RGS5: variants seen among roughly 807,000 people sequenced by gnomAD.
RGS5 encodes the protein regulator of G-protein signalling 5.
In RGS5, 20 loss-of-function variants were observed where a neutral mutation model predicts 18.9. The ratio of observed to expected loss-of-function variants is 1.06; its 90% CI spans 0.74 to 1.54. The LOEUF is 1.54. Among genes scored for constraint, RGS5 ranks in the 40% most tolerant of loss-of-function variants. RGS5 has a pLI of 0.00. For synonymous variants in RGS5, 57 were observed against 76.2 expected (o/e 0.75, Z 1.31); for missense variants, 201 against 211.8 (o/e 0.95, Z 0.32).
intron 2 of RGS5, among the ~76,000 whole-genome samples, chr1:163,256,217 G>A (rs1005054686): frequency 1.3e-4 from 20 of 151,930 alleles, no homozygotes; most frequent in South Asian, 4.2e-4. Context: ...AAACCCCATC[G>A]TCTCAGCCCA....
chr1:163,245,386 T>G (rs1248156611), intron 2 of RGS5, among the ~76,000 whole-genome samples: 1 of 152,246 alleles, frequency 6.6e-6, no homozygotes, highest in Non-Finnish European at 1.5e-5. Context: ...CATTTTCTTT[T>G]GAAGTTTCAC....
chr1:163,321,002 A>G (rs1373396819), intron 1 of RGS5, among the ~76,000 whole-genome samples: 1 of 152,180 alleles, frequency 6.6e-6, no homozygotes, highest in Non-Finnish European at 1.5e-5. Flanking sequence ...CCCAAACCTC[A>G]ATAAAACTTA....
At chr1:163,242,942 C>T (rs962625246) in intron 2 of RGS5, among the ~76,000 whole-genome samples, 11 of 152,106 alleles carry the variant, frequency 7.2e-5, no homozygotes, top group Non-Finnish European at 5.9e-5. Flanking sequence ...TGCAACTCAC[C>T]GTGAGTGGTA....
intron 1 of RGS5, among the ~76,000 whole-genome samples, chr1:163,199,859 T>G (rs1659708370): frequency 6.6e-6 from 1 of 152,050 alleles, no homozygotes; most frequent in South Asian, 2.1e-4. Context: ...CAGGTTGGGG[T>G]ACAGTGGTGC....
At chr1:163,209,060 C>T (rs1393682120) in intron 1 of RGS5, among the ~76,000 whole-genome samples, 1 of 151,796 alleles carries the variant, frequency 6.6e-6, no homozygotes, top group Admixed American at 6.6e-5. Flanking sequence ...TAGTTAAGTC[C>T]AATTAAGTAG....
At chr1:163,181,046 G>GT (rs1658823360) in intron 1 of RGS5, among the ~76,000 whole-genome samples, 1 of 151,962 alleles carries the variant, frequency 6.6e-6, no homozygotes, top group East Asian at 1.9e-4. Context: ...TTATAGTTTT[G>GT]TTTTTTCTCA....
At chr1:163,299,926 G>A (rs905528982) in intron 2 of RGS5, among the ~76,000 whole-genome samples, 1 of 152,210 alleles carries the variant, frequency 6.6e-6, no homozygotes, top group Non-Finnish European at 1.5e-5. Flanking sequence ...AAAGGTAGCA[G>A]AAATTAACCT....
At chr1:163,163,045 G>GT (rs1157507588) in intron 2 of RGS5, among the ~76,000 whole-genome samples, 1 of 150,954 alleles carries the variant, frequency 6.6e-6, no homozygotes, top group African/African-American at 2.4e-5. Context: ...ATTTCGGGGG[G>GT]GGGGGTGGTT....
upstream of RGS5, among the ~76,000 whole-genome samples, chr1:163,219,768 AG>A (rs1289104402): frequency 7.9e-5 from 12 of 152,196 alleles, no homozygotes; most frequent in Non-Finnish European, 1.6e-4. Flanking sequence ...GAGGCCAAAA[AG>A]CTTGAAAATC....
intron 3 of RGS5, among the ~76,000 whole-genome samples, chr1:163,155,642 C>A (rs1016261642): frequency 6.6e-6 from 1 of 152,122 alleles, no homozygotes. Context: ...CTGCGGACAA[C>A]CTATTGGGTC....
chr1:163,224,333 TTAACA>T (rs1187869360), intron 2 of RGS5, among the ~76,000 whole-genome samples: 1 of 152,236 alleles, frequency 6.6e-6, no homozygotes, highest in Non-Finnish European at 1.5e-5. Context: ...CTTATTTCAC[TTAACA>T]TAATGTCCTC....
chr1:163,250,444 A>G (rs192233543), intron 2 of RGS5, among the ~76,000 whole-genome samples: 1 of 152,332 alleles, frequency 6.6e-6, no homozygotes, highest in African/African-American at 2.4e-5. Context: ...TGTGGTGATT[A>G]TGGCATTATA....
chr1:163,273,458 C>A (rs1446571476), intron 2 of RGS5, among the ~76,000 whole-genome samples: 1 of 151,958 alleles, frequency 6.6e-6, no homozygotes, highest in Non-Finnish European at 1.5e-5. Context: ...ATTATTTGAT[C>A]TTTTATTTTT....
intron 2 of RGS5, among the ~76,000 whole-genome samples, chr1:163,283,610 T>C (rs1309758814): frequency 1.3e-5 from 2 of 152,106 alleles, no homozygotes; most frequent in Admixed American, 6.6e-5. Context: ...CAATAAGATA[T>C]GGCAATGGTG....
upstream of RGS5, among the ~76,000 whole-genome samples, chr1:163,205,265 G>T (rs996561654): frequency 4.7e-5 from 7 of 147,856 alleles, no homozygotes; most frequent in African/African-American, 1.8e-4. Context: ...ACAACATTGT[G>T]CCCATAGTTA....
intron 4 of RGS5, among the ~76,000 whole-genome samples, chr1:163,152,142 T>C (rs1657397553): frequency 6.6e-6 from 1 of 152,162 alleles, no homozygotes. Flanking sequence ...TTCTGAATTT[T>C]GAATTTTCAG....
chr1:163,255,383 CACAT>C (rs1373541988), intron 2 of RGS5, among the ~76,000 whole-genome samples: 2 of 152,172 alleles, frequency 1.3e-5, no homozygotes, highest in East Asian at 3.8e-4. Context: ...AATTCCTCGA[CACAT>C]ACATCCTCCC....
chr1:163,270,618 A>G lies in RGS5; in HGVS notation c.-281+35615T>C, dbSNP rs530918510. Among the ~76,000 whole-genome samples, 20 of 152,274 alleles carry G rather than the reference A, an allele frequency of 1.3e-4. No individual in the cohort carries two copies. In the East Asian group the frequency reaches 3.9e-3, roughly 29 times the overall value. ...CCAGAAAATGAATTTACCTGTTGAG[A>G]AGACAGATTACTGAGAAAATAAATA... On this transcript the variant is annotated intron_variant, in intron 2 of 5. Transcript: ENST00000618415.
chr1:163,155,742 A>G (rs1657553799), intron 3 of RGS5, among the ~76,000 whole-genome samples: 1 of 152,114 alleles, frequency 6.6e-6, no homozygotes. Flanking sequence ...TACCCACTCC[A>G]GTAGAGCCTC....
Sources: allele counts gnomAD v4.1 joint callset (sites outside exome capture counted in the v4.1 genomes callset), GRCh38; gene constraint gnomAD v4.1.1; transcripts MANE v1.5; gene names NCBI Gene and HGNC (gene_info 2026-07-23, HGNC 2026-07-21).